ROBO1: variants seen among roughly 807,000 people sequenced by gnomAD.
The protein encoded by ROBO1 is roundabout homolog 1.
Under a neutral mutation model 195.9 loss-of-function variants are expected in ROBO1, and 149 were observed. That is an observed-to-expected ratio of 0.76 (90% CI 0.67 to 0.87). The LOEUF (loss-of-function observed/expected upper bound fraction) is 0.87. Ranked by LOEUF, ROBO1 falls within the 40% of genes least tolerant of loss-of-function variation. The probability of loss-of-function intolerance (pLI) is 0.00; values close to 1 mark genes in which losing one functional copy is unlikely to be tolerated. For synonymous variants in ROBO1, 816 were observed against 733.2 expected (o/e 1.11, Z -1.82); for missense variants, 1,933 against 2,068.3 (o/e 0.93, Z 1.27).
chr3:79,048,434 C>A (rs1331820958), intron 3 of ROBO1, among the ~76,000 whole-genome samples: 1 of 152,112 alleles, frequency 6.6e-6, no homozygotes, highest in Non-Finnish European at 1.5e-5. Flanking sequence ...TTTTCTCTAA[C>A]AGGCATTTGC....
intron 1 of ROBO1, among the ~76,000 whole-genome samples, chr3:79,724,089 G>C (rs951657772): frequency 1.3e-5 from 2 of 152,138 alleles, no homozygotes; most frequent in Non-Finnish European, 2.9e-5. Flanking sequence ...TTGTTCACTT[G>C]TTCTGTTTAG....
intron 4 of ROBO1, among the ~76,000 whole-genome samples, chr3:78,926,173 T>C (rs1428496861): frequency 6.6e-6 from 1 of 152,098 alleles, no homozygotes; most frequent in African/African-American, 2.4e-5. Flanking sequence ...CCAGCCAATA[T>C]ATACATTTTA....
intron 10 of ROBO1, 57 bp downstream of exon 10, chr3:78,685,689 C>T: frequency 7.8e-7 from 1 of 1,279,520 alleles, no homozygotes; most frequent in Non-Finnish European, 1.1e-6. Context: ...TACTGGCACC[C>T]TCTCTGGATC....
intron 3 of ROBO1, among the ~76,000 whole-genome samples, chr3:79,026,118 G>GCT (rs2078198359): frequency 1.3e-5 from 2 of 152,092 alleles, no homozygotes; most frequent in South Asian, 4.1e-4. Flanking sequence ...AACCGGGAAT[G>GCT]CTGTTTTTGT....
intron 2 of ROBO1, among the ~76,000 whole-genome samples, chr3:79,468,992 A>G (rs1938120579): frequency 6.6e-6 from 1 of 152,210 alleles, no homozygotes; most frequent in Non-Finnish European, 1.5e-5. Context: ...ATTTCATAAA[A>G]AAATGTATTT....
chr3:78,792,385 C>T (rs942679544), intron 4 of ROBO1, among the ~76,000 whole-genome samples: 2 of 152,116 alleles, frequency 1.3e-5, no homozygotes, highest in African/African-American at 4.8e-5. Context: ...TGATTTATTA[C>T]TTTACCTACT....
intron 2 of ROBO1, among the ~76,000 whole-genome samples, chr3:79,523,854 A>C (rs1423643836): frequency 6.6e-6 from 1 of 152,232 alleles, no homozygotes; most frequent in Non-Finnish European, 1.5e-5. Flanking sequence ...TTGTGCAAAC[A>C]GAAAATTATT....
intron 4 of ROBO1, among the ~76,000 whole-genome samples, chr3:78,919,506 C>T (rs1576400191): frequency 6.6e-6 from 1 of 152,138 alleles, no homozygotes; most frequent in Admixed American, 6.6e-5. Context: ...ACACGGTAAG[C>T]CAATTGAAGC....
At chr3:79,480,287 T>C (rs1360067296) in intron 2 of ROBO1, among the ~76,000 whole-genome samples, 1 of 152,214 alleles carries the variant, frequency 6.6e-6, no homozygotes, top group Non-Finnish European at 1.5e-5. Context: ...GATTCTTTGA[T>C]GCAGTGAACT....
At chr3:79,589,038 G>A (rs1299653917) in intron 2 of ROBO1, among the ~76,000 whole-genome samples, 1 of 151,576 alleles carries the variant, frequency 6.6e-6, no homozygotes, top group African/African-American at 2.4e-5. Flanking sequence ...AAGTTTCATA[G>A]TATGGTCTAA....
rs192889582 is a variant in ROBO1, at chr3:79,720,519, T to C, written c.-51+47233A>G. On this transcript the variant is annotated intron_variant, in intron 1 of 30. Coordinates refer to ENST00000464233, the MANE Select transcript of ROBO1 (RefSeq NM_002941.4). ...CCAATGAAATACAAGAAATTATAAATTGCTTTAAGCTACTAAATTCTTGTG... is the reference window on the plus strand; with the variant it reads ...CCAATGAAATACAAGAAATTATAAACTGCTTTAAGCTACTAAATTCTTGTG... 5.3e-5 allele frequency among the ~76,000 whole-genome samples: 8 copies of C among 152,294 alleles called. No homozygotes were observed. In the East Asian group the frequency reaches 1.4e-3, roughly 26 times the overall value.
chr3:79,224,269 G>A (rs2082188658), intron 2 of ROBO1, among the ~76,000 whole-genome samples: 1 of 152,216 alleles, frequency 6.6e-6, no homozygotes, highest in African/African-American at 2.4e-5. Context: ...CAAGTGGGAT[G>A]TTGAGAAGTT....
chr3:79,540,454 G>T (rs572147672), intron 2 of ROBO1, among the ~76,000 whole-genome samples: 3 of 152,186 alleles, frequency 2.0e-5, no homozygotes, highest in South Asian at 4.1e-4. Context: ...CTCTCTGACT[G>T]TGTAATTATA....
chr3:79,519,426 C>G (rs532143473), intron 2 of ROBO1, among the ~76,000 whole-genome samples: 8 of 151,586 alleles, frequency 5.3e-5, no homozygotes, highest in African/African-American at 1.9e-4. Context: ...GTCAGGAGAT[C>G]GAGAGCATCC....
rs149766683 is a variant in ROBO1, at chr3:79,420,583, C to T, written c.88+169241G>A. Among the ~76,000 whole-genome samples the T allele has an allele frequency of 3.3e-5, 5 of 152,170 alleles. No homozygotes were observed. The East Asian group carries it at 7.7e-4, about 24-fold the overall frequency. ...AATGTCCATTTGTGTGTGACTTTGG[C>T]GATTCTCCCATGAAGACGTAGAGTC... On this transcript the variant is annotated intron_variant, in intron 2 of 30. Transcript: ENST00000464233.
At chr3:79,737,638 A>C (rs1424821975) in intron 1 of ROBO1, among the ~76,000 whole-genome samples, 2 of 142,696 alleles carry the variant, frequency 1.4e-5, no homozygotes, top group Non-Finnish European at 3.1e-5. Context: ...AAAATATAAC[A>C]GATGTTCTTT....
intron 22 of ROBO1, among the ~76,000 whole-genome samples, chr3:78,639,112 C>T (rs1218146073): frequency 6.6e-6 from 1 of 151,638 alleles, no homozygotes; most frequent in African/African-American, 2.4e-5. Flanking sequence ...CGCCTCTGAG[C>T]TCCAGCCTGG....
intron 2 of ROBO1, among the ~76,000 whole-genome samples, chr3:79,203,302 G>C (rs149065295): frequency 6.6e-6 from 1 of 152,230 alleles, no homozygotes; most frequent in Non-Finnish European, 1.5e-5. Flanking sequence ...GGTTTGTCTG[G>C]GAGCATAAAG....
At chr3:78,610,775 A>ATATT (rs1467635900) in intron 28 of ROBO1, among the ~76,000 whole-genome samples, 1 of 152,176 alleles carries the variant, frequency 6.6e-6, no homozygotes, top group Non-Finnish European at 1.5e-5. Context: ...CTTCCTATAT[A>ATATT]TATTTGTCAC....
Sources: gnomAD v4.1 joint callset for allele counts (sites outside exome capture counted in the v4.1 genomes callset) on GRCh38, gnomAD v4.1.1 for gene constraint, MANE v1.5 for transcripts, NCBI Gene and HGNC (gene_info 2026-07-23, HGNC 2026-07-21) for gene names.